The following CADPS2 variants were observed in gnomAD, a reference collection of about 807,000 sequenced individuals.
The protein encoded by CADPS2 is calcium-dependent secretion activator 2.
CADPS2 carries 93 observed loss-of-function variants against 172.5 expected under a neutral mutation model. That is an observed-to-expected ratio of 0.54 (90% CI 0.46 to 0.64). CADPS2 has a LOEUF of 0.64. Among genes scored for constraint, CADPS2 ranks in the 30% least tolerant of loss-of-function variants. The pLI is 0.00. For synonymous variants in CADPS2, 546 were observed against 555.2 expected (o/e 0.98, Z 0.23); for missense variants, 1,420 against 1,565.9 (o/e 0.91, Z 1.57).
chr7:122,860,441 G>A (rs1231961174), intron 1 of CADPS2, among the ~76,000 whole-genome samples: 5 of 151,786 alleles, frequency 3.3e-5, no homozygotes, highest in African/African-American at 1.2e-4. Flanking sequence ...CACTTTGTTG[G>A]CCAGGCTTGT....
intron 6 of CADPS2, among the ~76,000 whole-genome samples, chr7:122,595,325 G>A (rs2071587026): frequency 6.6e-6 from 1 of 152,030 alleles, no homozygotes; most frequent in Admixed American, 6.6e-5. Flanking sequence ...TCAATAACTA[G>A]TACTTTCTTT....
intron 1 of CADPS2, among the ~76,000 whole-genome samples, chr7:122,864,091 A>G (rs1239146204): frequency 6.6e-6 from 1 of 152,186 alleles, no homozygotes; most frequent in Non-Finnish European, 1.5e-5. Context: ...ACATAAAATA[A>G]TCAACCTTAG....
chr7:122,369,127 T>TCCCCCC (rs68130351), intron 25 of CADPS2, among the ~76,000 whole-genome samples: 2 of 49,766 alleles, frequency 4.0e-5, no homozygotes, highest in African/African-American at 7.0e-5. Context: ...AATTTTTGTT[T>TCCCCCC]CCCCCCCCCC....
chr7:122,423,093 C>T (rs954973567), intron 17 of CADPS2, among the ~76,000 whole-genome samples: 1 of 152,170 alleles, frequency 6.6e-6, no homozygotes, highest in African/African-American at 2.4e-5. Flanking sequence ...AACATCCTCC[C>T]TCTTTGCATA....
chr7:122,496,836 T>C (rs923745824), intron 9 of CADPS2, among the ~76,000 whole-genome samples: 10 of 152,182 alleles, frequency 6.6e-5, no homozygotes, highest in African/African-American at 2.2e-4. Flanking sequence ...TCACGTCCAT[T>C]AGGTCAAATT....
At chr7:122,568,669 C>T (rs1224166331) in intron 7 of CADPS2, among the ~76,000 whole-genome samples, 3 of 151,996 alleles carry the variant, frequency 2.0e-5, no homozygotes, top group Non-Finnish European at 4.4e-5. Context: ...CTATATGTAG[C>T]TCTAGATCTG....
At chr7:122,511,360 G>T (rs930011918) in intron 9 of CADPS2, among the ~76,000 whole-genome samples, 4 of 151,986 alleles carry the variant, frequency 2.6e-5, no homozygotes, top group Admixed American at 6.6e-5. Flanking sequence ...TCATATGCTA[G>T]AAAATAAGAT....
At chr7:122,649,722 A>G (rs1401689299) in intron 3 of CADPS2, among the ~76,000 whole-genome samples, 3 of 152,078 alleles carry the variant, frequency 2.0e-5, no homozygotes, top group African/African-American at 4.8e-5. Context: ...CAACTATACC[A>G]TTACATTTCA....
intron 8 of CADPS2, among the ~76,000 whole-genome samples, chr7:122,551,281 T>C (rs1252636002): frequency 6.6e-6 from 1 of 152,084 alleles, no homozygotes; most frequent in African/African-American, 2.4e-5. Flanking sequence ...AAGCTTACTC[T>C]CATTTGTATT....
At chr7:122,778,402 T>G (rs933816058) in intron 1 of CADPS2, among the ~76,000 whole-genome samples, 2 of 152,210 alleles carry the variant, frequency 1.3e-5, no homozygotes, top group Admixed American at 1.3e-4. Context: ...AAACTGATTT[T>G]CTGGGGAGAA....
intron 1 of CADPS2, among the ~76,000 whole-genome samples, chr7:122,800,991 C>CAAA (rs34506571): frequency 3.2e-5 from 2 of 63,064 alleles, no homozygotes; most frequent in Non-Finnish European, 2.9e-5. Context: ...GACTCTGCCT[C>CAAA]AAAAAAAAAA....
intron 6 of CADPS2, among the ~76,000 whole-genome samples, chr7:122,601,159 C>A (rs950522891): frequency 6.6e-6 from 1 of 151,926 alleles, no homozygotes; most frequent in Non-Finnish European, 1.5e-5. Flanking sequence ...TCATCTCTAC[C>A]ATTTTGGCAG....
At chr7:122,668,617 T>A (rs964113034) in intron 2 of CADPS2, among the ~76,000 whole-genome samples, 1 of 151,932 alleles carries the variant, frequency 6.6e-6, no homozygotes, top group Non-Finnish European at 1.5e-5. Flanking sequence ...ATAAGAGAGA[T>A]AGAGACAGTC....
chr7:122,699,618 T>C (rs2085707935), intron 2 of CADPS2, among the ~76,000 whole-genome samples: 1 of 152,192 alleles, frequency 6.6e-6, no homozygotes, highest in Admixed American at 6.6e-5. Context: ...TTTGTGGCTT[T>C]TGTTTTATGG....
At chr7:122,480,817 A>G in intron 12 of CADPS2, 35 bp downstream of exon 12, 7 of 1,452,888 alleles carry the variant, frequency 4.8e-6, no homozygotes, top group Non-Finnish European at 6.5e-6. Context: ...AAATTTTTTA[A>G]AACATCTAAT....
intron 28 of CADPS2, among the ~76,000 whole-genome samples, chr7:122,341,512 G>T (rs955419613): frequency 6.6e-6 from 1 of 152,162 alleles, no homozygotes; most frequent in African/African-American, 2.4e-5. Context: ...AACTCACCCA[G>T]ATATTTAATG....
chr7:122,321,194 T>G (rs1191812129), intron 29 of CADPS2, among the ~76,000 whole-genome samples: 1 of 152,198 alleles, frequency 6.6e-6, no homozygotes, highest in Non-Finnish European at 1.5e-5. Context: ...TTGAGACAGG[T>G]CTCACTCTCT....
At chr7:122,799,937 A>G (rs17144897) in intron 1 of CADPS2, among the ~76,000 whole-genome samples, 2,202 of 152,284 alleles carry the variant, frequency 0.014, 49 homozygotes, top group African/African-American at 0.05. Flanking sequence ...GCCACTTACA[A>G]GCTATGTGAC....
At chr7:122,852,337 CA>C (rs907686023) in intron 1 of CADPS2, among the ~76,000 whole-genome samples, 3 of 152,152 alleles carry the variant, frequency 2.0e-5, no homozygotes, top group Non-Finnish European at 4.4e-5. Context: ...ACAAAACTGA[CA>C]GGAGAATTTT....
Sources: allele counts gnomAD v4.1 joint callset (sites outside exome capture counted in the v4.1 genomes callset), GRCh38; gene constraint gnomAD v4.1.1; transcripts MANE v1.5; gene names NCBI Gene and HGNC (gene_info 2026-07-23, HGNC 2026-07-21).